The following MEI1 variants were observed in gnomAD, a reference collection of about 807,000 sequenced individuals.
MEI1 encodes meiotic double-stranded break formation protein 1, also known as meiosis inhibitor protein 1.
A neutral mutation model predicts 146.2 loss-of-function variants in MEI1; 103 were observed. The ratio of observed to expected loss-of-function variants is 0.70; its 90% CI spans 0.60 to 0.83. The LOEUF is 0.83. MEI1 is among the 40% of genes least tolerant of loss of function. MEI1 has a pLI of 0.00. For missense variants in MEI1, 1,529 were observed against 1,533.0 expected (o/e 1.00, Z 0.04); for synonymous variants, 652 against 628.2 (o/e 1.04, Z -0.57).
At chr22:41,760,049 C>G (rs1000572125) in intron 18 of MEI1, among the ~76,000 whole-genome samples, 2 of 151,552 alleles carry the variant, frequency 1.3e-5, no homozygotes, top group Non-Finnish European at 2.9e-5. Context: ...GTGGCTCACT[C>G]CTGTAATCCC....
At chr22:41,780,991 A>C (rs896347826) in intron 22 of MEI1, among the ~76,000 whole-genome samples, 10 of 152,172 alleles carry the variant, frequency 6.6e-5, no homozygotes, top group Non-Finnish European at 1.3e-4. Flanking sequence ...TCGACTGTTA[A>C]AGTTCCCTTG....
intron 6 of MEI1, among the ~76,000 whole-genome samples, chr22:41,718,979 C>CTTT (rs146120400): frequency 4.2e-4 from 47 of 111,188 alleles, no homozygotes; most frequent in Non-Finnish European, 6.0e-4. Context: ...TCAAGTGATT[C>CTTT]TTTTTTTTTT....
intron 20 of MEI1, among the ~76,000 whole-genome samples, chr22:41,775,335 C>T (rs2075384074): frequency 6.6e-6 from 1 of 152,124 alleles, no homozygotes; most frequent in East Asian, 1.9e-4. Context: ...CTCTGCCTGC[C>T]CAGTGACATC....
intron 26 of MEI1, among the ~76,000 whole-genome samples, chr22:41,785,494 T>C (rs139545): frequency 0.17 from 25,317 of 150,138 alleles, 3,066 homozygotes; most frequent in Admixed American, 0.36. Flanking sequence ...GATCTCCTGA[T>C]TTCATGATCC....
intron 5 of MEI1, among the ~76,000 whole-genome samples, chr22:41,717,076 T>A (rs891399566): frequency 7.7e-6 from 1 of 130,410 alleles, no homozygotes; most frequent in Non-Finnish European, 1.5e-5. Flanking sequence ...ATAGAAGCAC[T>A]TTTTTCTGTC....
chr22:41,768,282 T>C (rs372666984), intron 19 of MEI1, among the ~76,000 whole-genome samples: 3 of 151,778 alleles, frequency 2.0e-5, no homozygotes, highest in African/African-American at 7.3e-5. Context: ...CTCGGGAGGC[T>C]GAGGCAGGAG....
intron 1 of MEI1, 93 bp from the exon 2 acceptor site, chr22:41,703,238 T>C (rs1185153162): frequency 7.2e-7 from 1 of 1,387,430 alleles, no homozygotes; most frequent in African/African-American, 1.4e-5. Flanking sequence ...ATCCCTTGTA[T>C]CATCTTGTAA....
intron 7 of MEI1, among the ~76,000 whole-genome samples, chr22:41,726,059 C>T (rs2071324148): frequency 6.6e-6 from 1 of 152,128 alleles, no homozygotes; most frequent in Non-Finnish European, 1.5e-5. Context: ...ACGGGTGGAT[C>T]ACGAGGTCAG....
intron 26 of MEI1, among the ~76,000 whole-genome samples, chr22:41,786,101 G>A (rs535250281): frequency 5.5e-4 from 82 of 149,574 alleles, no homozygotes; most frequent in African/African-American, 1.9e-3. Context: ...TAGTAGAGAC[G>A]GGGTTTCACC....
chr22:41,752,613 G>A lies in MEI1; in HGVS notation c.1815G>A (p.Leu605=). The change falls in exon 16 of 31, where the codon CTG becomes CTA. Residue 605 remains leucine (L), a synonymous_variant. Transcript: ENST00000401548. ...AAGCTTCCTCATCCTTCATACGACT[G>A]ACCCTGGAGCTGAAGGCCAGGTTTT... ...KKLASSSFIR[L]TLELKARFCS... is the part of the protein sequence containing the mutation. 6.2e-7 allele frequency: 1 copy of A among 1,600,098 alleles called. No homozygotes were observed. The highest frequency in any genetic ancestry group is 8.5e-7 in the Non-Finnish European group (1 of 1,173,490).
In MEI1 at chr22:41,745,996, C is replaced by G; in HGVS notation, c.1650C>G (p.Ala550=). Residue 550 remains alanine, a synonymous_variant, in exon 14 of 31, where the codon GCC becomes GCG. Coordinates refer to ENST00000401548, the MANE Select transcript of MEI1 (RefSeq NM_152513.4). ...CCTTCTCAGAATTTCTTCTCAGTGC[C>G]TGTGACTCGCTGTGTATCCCCATGG... The part of the protein sequence containing the change: ...LEAFSEFLLS[A]CDSLCIPMVM... The G allele has an allele frequency of 6.2e-7, 1 of 1,608,018 alleles. No homozygotes were observed. The highest frequency in any genetic ancestry group is 8.5e-7 in the Non-Finnish European group (1 of 1,177,052).
At chr22:41,773,789 C>T (rs1182976130) in intron 20 of MEI1, among the ~76,000 whole-genome samples, 3 of 152,086 alleles carry the variant, frequency 2.0e-5, no homozygotes, top group Non-Finnish European at 4.4e-5. Flanking sequence ...ACAGAAGAAT[C>T]GCTTGAACCC....
Position 41,795,961 on chromosome 22 carries a change from A to C in MEI1, c.3779+114A>C, listed in dbSNP as rs2076343551. 1 of 1,611,854 alleles carries C rather than the reference A, an allele frequency of 6.2e-7. No homozygotes were observed. The highest frequency in any genetic ancestry group is 1.3e-5 in the African/African-American group (1 of 74,758). On this transcript the variant is annotated intron_variant, in intron 30 of 30. Coordinates refer to ENST00000401548, the MANE Select transcript of MEI1 (RefSeq NM_152513.4). This position sits in a 1 kb window ranked among gnomAD's most constrained non-coding sequence, Gnocchi z 4.2. ...AGTAGCAGTGTCCTCTCTCATGAAGAGGTGGGTGATGTTCTGCAAGGTGTG... is the reference window on the plus strand; with the variant it reads ...AGTAGCAGTGTCCTCTCTCATGAAGCGGTGGGTGATGTTCTGCAAGGTGTG...
At chr22:41,789,173 G>A (rs1265547574) in intron 26 of MEI1, among the ~76,000 whole-genome samples, 4 of 152,180 alleles carry the variant, frequency 2.6e-5, no homozygotes, top group East Asian at 1.9e-4. Flanking sequence ...TTAGCCGGGC[G>A]TGGTGGCGCG....
At chr22:41,709,522 TG>T (rs2147267761) in intron 3 of MEI1, 1 of 582,136 alleles carries the variant, frequency 1.7e-6, no homozygotes, top group South Asian at 1.5e-5. Flanking sequence ...ATGTAGGTGC[TG>T]TGCGCGGGAT....
In MEI1 at chr22:41,776,195, G is replaced by C; in HGVS notation, c.2638G>C (p.Gly880Arg). ...LRRNEDIQVG[G>R]LIRGHFLLIL... Reference sequence around the variant, plus strand: ...GAGGAATGAGGATATCCAAGTGGGCGGTCTTATCCGAGGCCACTTCCTGCT... The same window carrying C: ...GAGGAATGAGGATATCCAAGTGGGCCGTCTTATCCGAGGCCACTTCCTGCT... Residue 880 changes from glycine to arginine, a missense_variant, in exon 21 of 31, where the codon GGT becomes CGT. Gly to Arg is a moderately radical substitution (Grantham distance 125). This residue lies in a region of MEI1 where 1,212 missense variants were observed against 1,178.9 expected (regional missense o/e 1.03). Transcript: ENST00000401548. The C allele has an allele frequency of 6.2e-7, 1 of 1,613,966 alleles. No homozygotes were observed. Among genetic ancestry groups the C allele is most frequent in the Non-Finnish European group, 8.5e-7 (1 of 1,179,880 alleles).
intron 30 of MEI1, among the ~76,000 whole-genome samples, chr22:41,798,120 C>CACAA (rs2076428834): frequency 1.8e-4 from 2 of 11,308 alleles, no homozygotes; most frequent in Non-Finnish European, 3.2e-4. Flanking sequence ...CAGCCCAACA[C>CACAA]ACACACACAC....
intron 11 of MEI1, 36 bp downstream of exon 11, chr22:41,732,639 G>T (rs766630471): frequency 1.9e-6 from 3 of 1,601,824 alleles, no homozygotes; most frequent in South Asian, 2.2e-5. Context: ...TTCCATCCCT[G>T]CATATACCTA....
In MEI1 at chr22:41,769,490, G is replaced by T. The variant is rs80319444; in HGVS notation, c.2269-1196G>T. ...CATATTAAGGAATTTTTTTTTTTTTGAGATGGAGTTTCACTCTTGTTACCC... is the reference window on the plus strand; with the variant it reads ...CATATTAAGGAATTTTTTTTTTTTTTAGATGGAGTTTCACTCTTGTTACCC... On this transcript the variant is annotated intron_variant, in intron 19 of 30. Transcript: ENST00000401548. Among the ~76,000 whole-genome samples, 90 of 113,914 alleles carry T rather than the reference G, an allele frequency of 7.9e-4. 1 individual carries two copies. The highest frequency in any genetic ancestry group is 2.0e-3 in the African/African-American group (69 of 33,998). 74.7% of individuals were successfully genotyped at this position (113,914 alleles called of 152,430 possible). A position where few individuals can be genotyped will look rare whatever the true frequency, so the allele number is the denominator to read the frequency against.
Sources: allele counts gnomAD v4.1 joint callset (sites outside exome capture counted in the v4.1 genomes callset), GRCh38; gene constraint gnomAD v4.1.1; regional missense constraint gnomAD v4.1.1; non-coding constraint Gnocchi (gnomAD v3.1); transcripts MANE v1.5; gene names NCBI Gene and HGNC (gene_info 2026-07-23, HGNC 2026-07-21).